PHF14: variants seen among roughly 807,000 people sequenced by gnomAD.
PHF14 encodes PHD finger protein 14.
PHF14 carries 55 observed loss-of-function variants against 117.9 expected under a neutral mutation model. That is an observed-to-expected ratio of 0.47 (90% CI 0.38 to 0.58). The LOEUF (loss-of-function observed/expected upper bound fraction) is 0.58. Among genes scored for constraint, PHF14 ranks in the 20% least tolerant of loss-of-function variants. The probability of loss-of-function intolerance (pLI) is 0.00; values close to 1 mark genes in which losing one functional copy is unlikely to be tolerated. For missense variants in PHF14, 978 were observed against 1,122.2 expected, an observed-to-expected ratio of 0.87 and a Z score of 1.84; for synonymous variants, 409 against 368.6, an observed-to-expected ratio of 1.11 and a Z score of -1.26.
chr7:11,131,152 C>T (rs1788082051), intron 17 of PHF14, among the ~76,000 whole-genome samples: 1 of 151,840 alleles, frequency 6.6e-6, no homozygotes, highest in African/African-American at 2.4e-5. Flanking sequence ...CATTCAGGTA[C>T]AAGTTTTTAA....
intron 16 of PHF14, among the ~76,000 whole-genome samples, chr7:11,102,005 G>A (rs924630372): frequency 3.4e-4 from 51 of 151,836 alleles, no homozygotes; most frequent in African/African-American, 6.3e-4. Flanking sequence ...TTTCTTCCCC[G>A]AGTCTCTGTA....
intron 17 of PHF14, among the ~76,000 whole-genome samples, chr7:11,163,313 TTTAA>T (rs1212720623): frequency 1.3e-5 from 2 of 152,334 alleles, no homozygotes; most frequent in Admixed American, 6.5e-5. Context: ...TTACAGTAAA[TTTAA>T]TTAAGCATTT....
chr7:11,016,430 T>G (rs1783538571), intron 5 of PHF14, among the ~76,000 whole-genome samples: 1 of 152,162 alleles, frequency 6.6e-6, no homozygotes, highest in African/African-American at 2.4e-5. Flanking sequence ...TTCCTTCTAT[T>G]CTTGATGGGA....
At position 11,088,402 on chromosome 7, in the gene PHF14, A is replaced by AC. The variant is rs1491262692; in HGVS notation, c.2655-22948_2655-22947insC. 2.9e-3 allele frequency among the ~76,000 whole-genome samples: 306 copies of AC among 104,630 alleles called. 1 individual carries two copies. In the East Asian group the frequency reaches 0.036, roughly 12 times the overall value. The allele number at this position is 104,630 out of a possible 152,430, so 68.6% of individuals were successfully genotyped here. A position where few individuals can be genotyped will look rare whatever the true frequency, so the allele number is the denominator to read the frequency against. On this transcript the variant is annotated intron_variant, in intron 16 of 17. Coordinates refer to ENST00000634607, the MANE Select transcript of PHF14 (RefSeq NM_001007157.2). The stretch of plus-strand genomic sequence containing the variant: ...TAATGTGTGTTGTTCACATACACAC[A>AC]AACACACACACACACGCACACACAC...
At chr7:11,133,720 C>T (rs575982660) in intron 17 of PHF14, among the ~76,000 whole-genome samples, 1 of 152,106 alleles carries the variant, frequency 6.6e-6, no homozygotes, top group South Asian at 2.1e-4. Context: ...GCTCACAGTT[C>T]TGCTAATTAT....
chr7:11,090,238 C>T (rs1200951342), intron 16 of PHF14, among the ~76,000 whole-genome samples: 2 of 152,294 alleles, frequency 1.3e-5, no homozygotes, highest in East Asian at 1.9e-4. Context: ...CTCTATGAAT[C>T]GTAGCAAGAG....
At chr7:11,046,595 G>A (rs1419037931) in intron 13 of PHF14, among the ~76,000 whole-genome samples, 1 of 151,932 alleles carries the variant, frequency 6.6e-6, no homozygotes, top group African/African-American at 2.4e-5. Flanking sequence ...CATTAGAATG[G>A]GACATTTACT....
At chr7:11,155,940 T>C (rs961850944) in intron 17 of PHF14, among the ~76,000 whole-genome samples, 2 of 152,176 alleles carry the variant, frequency 1.3e-5, no homozygotes, top group African/African-American at 4.8e-5. Flanking sequence ...TTTTATAGCC[T>C]ATATTATGAA....
At chr7:11,114,320 T>C (rs186804318) in intron 17 of PHF14, among the ~76,000 whole-genome samples, 1 of 152,260 alleles carries the variant, frequency 6.6e-6, no homozygotes, top group African/African-American at 2.4e-5. Context: ...CAGGGGAAAC[T>C]CTAAAATATT....
At chr7:10,974,469 AGCCCGCTTGTTTTATTCCCTGATTTTT>A (rs1478414367) in intron 1 of PHF14, 145 bp downstream of exon 1, 10 of 748,330 alleles carry the variant, frequency 1.3e-5, no homozygotes, top group African/African-American at 7.0e-5. Flanking sequence ...GCGGGAATGA[AGCCCGCTTGTTTTATTCCCTGATTTTT>A]GCCGTTTTTA....
chr7:11,046,463 A>G (rs1784667508), intron 13 of PHF14, among the ~76,000 whole-genome samples: 1 of 152,212 alleles, frequency 6.6e-6, no homozygotes, highest in Non-Finnish European at 1.5e-5. Context: ...TGATGAAAAG[A>G]AAACTCAAAC....
intron 17 of PHF14, among the ~76,000 whole-genome samples, chr7:11,155,861 C>T (rs1788831062): frequency 6.6e-6 from 1 of 151,760 alleles, no homozygotes; most frequent in Admixed American, 6.6e-5. Context: ...GCTTATATAG[C>T]TTGCTGGAGA....
chr7:10,984,133 G>T (rs1190878013), intron 3 of PHF14, among the ~76,000 whole-genome samples: 1 of 151,984 alleles, frequency 6.6e-6, no homozygotes, highest in Non-Finnish European at 1.5e-5. Flanking sequence ...AAGTTAAACG[G>T]GTAGAAAGAT....
intron 17 of PHF14, among the ~76,000 whole-genome samples, chr7:11,144,364 G>A (rs1788486064): frequency 6.6e-6 from 1 of 151,698 alleles, no homozygotes; most frequent in African/African-American, 2.4e-5. Context: ...ACACTACTGG[G>A]TATTTATCTA....
intron 6 of PHF14, among the ~76,000 whole-genome samples, chr7:11,023,904 A>G (rs1221239355): frequency 6.6e-6 from 1 of 152,238 alleles, no homozygotes; most frequent in Non-Finnish European, 1.5e-5. Context: ...AGGAAGAGTC[A>G]TACATCTGTC....
intron 17 of PHF14, among the ~76,000 whole-genome samples, chr7:11,120,485 CAG>C (rs1435488636): frequency 2.0e-5 from 3 of 151,994 alleles, no homozygotes; most frequent in East Asian, 1.9e-4. Context: ...TTTCCTGTCT[CAG>C]AGTTTCACAC....
Position 11,032,710 on chromosome 7 carries a change from A to G in PHF14, c.1456-2930A>G, listed in dbSNP as rs542043029. Among the ~76,000 whole-genome samples the G allele has an allele frequency of 2.6e-5, 4 of 152,188 alleles. No individual in the cohort carries two copies. The South Asian group carries it at 8.3e-4, about 32-fold the overall frequency. ...ATTTACTAACTGCTTCTCATCATTCATTTTTGTCTTATATTTTTCTGGCAT... is the reference window on the plus strand; with the variant it reads ...ATTTACTAACTGCTTCTCATCATTCGTTTTTGTCTTATATTTTTCTGGCAT... On this transcript the variant is annotated intron_variant, in intron 7 of 17. Transcript: ENST00000634607.
intron 17 of PHF14, among the ~76,000 whole-genome samples, chr7:11,134,132 G>T (rs914503349): frequency 5.9e-5 from 9 of 151,936 alleles, no homozygotes; most frequent in Admixed American, 2.0e-4. Context: ...CCCATTAAAA[G>T]ATTTTTTTGG....
At chr7:11,019,246 C>T (rs1783640285) in intron 5 of PHF14, among the ~76,000 whole-genome samples, 1 of 152,120 alleles carries the variant, frequency 6.6e-6, no homozygotes, top group South Asian at 2.1e-4. Flanking sequence ...ACACTGGCCT[C>T]ATAGAATGAG....
Sources: allele counts gnomAD v4.1 joint callset (sites outside exome capture counted in the v4.1 genomes callset), GRCh38; gene constraint gnomAD v4.1.1; transcripts MANE v1.5; gene names NCBI Gene and HGNC (gene_info 2026-07-23, HGNC 2026-07-21).